The following RIPOR2 variants were observed in gnomAD, a reference collection of about 807,000 sequenced individuals.
RIPOR2 encodes rho family-interacting cell polarization regulator 2.
Under a neutral mutation model 114.5 loss-of-function variants are expected in RIPOR2, and 39 were observed. The ratio of observed to expected loss-of-function variants is 0.34; its 90% CI spans 0.26 to 0.44. The LOEUF (loss-of-function observed/expected upper bound fraction) is 0.44, where lower values mean the gene tolerates loss of function less well. RIPOR2 is among the 20% of genes least tolerant of loss of function. The pLI is 1.00. For synonymous variants in RIPOR2, 445 were observed against 484.4 expected, an observed-to-expected ratio of 0.92 and a Z score of 1.07; for missense variants, 1,007 against 1,255.1, an observed-to-expected ratio of 0.80 and a Z score of 2.99.
At chr6:24,870,714 A>C (rs1323235290) in intron 5 of RIPOR2, among the ~76,000 whole-genome samples, 152 bp downstream of exon 5, 1 of 152,188 alleles carries the variant, frequency 6.6e-6, no homozygotes, top group African/African-American at 2.4e-5. Flanking sequence ...GGATTTTGCC[A>C]CATTGCCCAG....
intron 1 of RIPOR2, among the ~76,000 whole-genome samples, chr6:24,953,228 G>A (rs1445472267): frequency 6.6e-6 from 1 of 152,168 alleles, no homozygotes; most frequent in Non-Finnish European, 1.5e-5. Context: ...AGCTACTTGG[G>A]AGGCTGAGAC....
intron 1 of RIPOR2, 22 bp from the exon 2 acceptor site, chr6:24,875,839 A>G (rs1765686298): frequency 6.3e-7 from 1 of 1,582,350 alleles, no homozygotes; most frequent in Non-Finnish European, 8.6e-7. Flanking sequence ...TGGAAAGATC[A>G]TGACAATTTA....
chr6:24,856,186 G>A (rs1581613901), intron 8 of RIPOR2, among the ~76,000 whole-genome samples: 1 of 151,914 alleles, frequency 6.6e-6, no homozygotes, highest in East Asian at 1.9e-4. Context: ...GTCAGTAGGT[G>A]GCAGAAACTC....
Position 25,015,896 on chromosome 6 carries a change from G to GTTTTTTTTT in RIPOR2, c.76+25946_76+25954dup, listed in dbSNP as rs869301317. On this transcript the variant is annotated intron_variant, in intron 1 of 13. Transcript: ENST00000510784. ...TCCCCTTAAAAACGCAGGTTTTTTG[G>GTTTTTTTTT]TTTTTTTTTTTTTTTTTTTTTTTTT... The GTTTTTTTTT allele has an allele frequency of 9.6e-4, 44 of 45,866 alleles. 14 individuals are homozygous for GTTTTTTTTT. Among genetic ancestry groups the GTTTTTTTTT allele is most frequent in the African/African-American group, 2.1e-3 (29 of 14,098 alleles). The allele number at this position is 45,866 out of a possible 1,614,324, so 2.8% of individuals were successfully genotyped here.
intron 1 of RIPOR2, among the ~76,000 whole-genome samples, chr6:24,954,650 A>G (rs981409991): frequency 6.6e-6 from 1 of 151,614 alleles, no homozygotes; most frequent in Non-Finnish European, 1.5e-5. Context: ...ATCTCACTAT[A>G]TTGCTCAGGC....
At chr6:25,010,647 T>G (rs1775740368) in intron 1 of RIPOR2, among the ~76,000 whole-genome samples, 1 of 152,194 alleles carries the variant, frequency 6.6e-6, no homozygotes, top group Non-Finnish European at 1.5e-5. Flanking sequence ...AGCGCCAGGA[T>G]TTATATGGGC....
chr6:24,904,387 G>A (rs991520427), intron 1 of RIPOR2, among the ~76,000 whole-genome samples: 2 of 152,142 alleles, frequency 1.3e-5, no homozygotes, highest in Non-Finnish European at 2.9e-5. Context: ...CCATCTCCCT[G>A]ATCTTTCTAT....
chr6:24,834,602 A>G (rs1224412639), intron 15 of RIPOR2, among the ~76,000 whole-genome samples: 1 of 151,928 alleles, frequency 6.6e-6, no homozygotes, highest in Non-Finnish European at 1.5e-5. Flanking sequence ...TTCTGCATCT[A>G]TGCCTACCAG....
Position 24,818,644 on chromosome 6 carries a change from C to T in RIPOR2, c.2869-19G>A. 7 of 1,512,592 alleles carry T rather than the reference C, an allele frequency of 4.6e-6. No homozygotes were observed. The highest frequency in any genetic ancestry group is 6.3e-6 in the Non-Finnish European group (7 of 1,117,360). 93.7% of individuals were successfully genotyped at this position (1,512,592 alleles called of 1,614,324 possible). A position where few individuals can be genotyped will look rare whatever the true frequency, so the allele number is the denominator to read the frequency against. On this transcript the variant is annotated intron_variant, in intron 19 of 21. Transcript: ENST00000643898. ...GCAAGGCCTGAAAGAGAAGGAGGGA[C>T]CTCATGAAGGCATTTTGGTTTGTTC...
At chr6:25,040,367 C>T (rs303902) in intron 1 of RIPOR2, among the ~76,000 whole-genome samples, 38 of 152,098 alleles carry the variant, frequency 2.5e-4, no homozygotes, top group African/African-American at 8.4e-4. Context: ...CTGCCCAACT[C>T]GGCCTCCCAA....
chr6:24,856,219 G>A (rs1176987538), intron 8 of RIPOR2, among the ~76,000 whole-genome samples: 9 of 152,080 alleles, frequency 5.9e-5, no homozygotes, highest in South Asian at 4.1e-4. Flanking sequence ...GTGCCTTCCT[G>A]CCCGTGGAGC....
chr6:25,034,534 T>A (rs1411680900), intron 1 of RIPOR2, among the ~76,000 whole-genome samples: 1 of 152,206 alleles, frequency 6.6e-6, no homozygotes, highest in Non-Finnish European at 1.5e-5. Context: ...AATTTGCTAT[T>A]CTGGTAATTT....
At chr6:24,928,917 T>C (rs1275776979) in intron 1 of RIPOR2, among the ~76,000 whole-genome samples, 3 of 152,202 alleles carry the variant, frequency 2.0e-5, no homozygotes, top group Non-Finnish European at 4.4e-5. Context: ...CCCAAAAAGT[T>C]CCCATGTTTC....
chr6:24,839,381 T>C lies in RIPOR2; in HGVS notation c.1858-109A>G. 5 of 1,440,098 alleles carry C rather than the reference T, an allele frequency of 3.5e-6. No homozygotes were observed. The South Asian group carries it at 7.6e-5, about 22-fold the overall frequency. 89.2% of individuals were successfully genotyped at this position (1,440,098 alleles called of 1,614,324 possible). On this transcript the variant is annotated intron_variant, in intron 13 of 21. Coordinates refer to ENST00000643898, the MANE Select transcript of RIPOR2 (RefSeq NM_001286445.3). ...CACTTTTTTTTTTGTTTCAAGTTTT[T>C]ATTTTTTGTTAGCATTTAAAAAATG...
intron 1 of RIPOR2, among the ~76,000 whole-genome samples, chr6:25,024,642 A>G (rs910465889): frequency 3.3e-5 from 5 of 152,164 alleles, no homozygotes; most frequent in African/African-American, 1.2e-4. Context: ...CCCTTCTGGA[A>G]GCAGTGTGGC....
chr6:24,862,436 A>G lies in RIPOR2; in HGVS notation c.652-1400T>C, dbSNP rs562763387. On this transcript the variant is annotated intron_variant, in intron 7 of 21. Transcript: ENST00000643898. ...TTCTGTATGCTGAGGACCTCAGCCT[A>G]GAGGTTCTGATTCTTCTATGTTTCG... 2.1e-4 allele frequency among the ~76,000 whole-genome samples: 32 copies of G among 152,262 alleles called. No homozygotes were observed. The South Asian group carries it at 6.0e-3, about 29-fold the overall frequency.
chr6:24,874,559 TAG>T (rs1267626609), intron 2 of RIPOR2, among the ~76,000 whole-genome samples: 1 of 152,226 alleles, frequency 6.6e-6, no homozygotes, highest in African/African-American at 2.4e-5. Flanking sequence ...AGAGGCTACC[TAG>T]AGTCAAAGTC....
chr6:24,941,706 A>G (rs2114178240), intron 1 of RIPOR2, among the ~76,000 whole-genome samples: 1 of 152,324 alleles, frequency 6.6e-6, no homozygotes, highest in South Asian at 2.1e-4. Context: ...TGTAGCTGCT[A>G]CTGATAATAA....
chr6:24,850,048 C>T, intron 10 of RIPOR2, 98 bp from the exon 11 acceptor site: 13 of 874,324 alleles, frequency 1.5e-5, no homozygotes, highest in South Asian at 2.2e-5. Flanking sequence ...TTGGTCATTT[C>T]TTTCAGAATC....
Sources: allele counts gnomAD v4.1 joint callset (sites outside exome capture counted in the v4.1 genomes callset), GRCh38; gene constraint gnomAD v4.1.1; transcripts MANE v1.5; gene names NCBI Gene and HGNC (gene_info 2026-07-23, HGNC 2026-07-21).